The following TRAF3IP2 variants were observed in gnomAD, a reference collection of about 807,000 sequenced individuals.
The protein encoded by TRAF3IP2 is E3 ubiquitin ligase TRAF3IP2.
TRAF3IP2 carries 35 observed loss-of-function variants against 57.9 expected under a neutral mutation model. The observed-to-expected ratio is 0.60, with a 90% CI of 0.46 to 0.80. The LOEUF is 0.80. Ranked by LOEUF, TRAF3IP2 falls within the 30% of genes least tolerant of loss-of-function variation. The pLI, the probability that TRAF3IP2 is intolerant of heterozygous loss-of-function variation, is 0.00. For synonymous variants in TRAF3IP2, 251 were observed against 268.9 expected, an observed-to-expected ratio of 0.93 and a Z score of 0.65; for missense variants, 556 against 706.4, an observed-to-expected ratio of 0.79 and a Z score of 2.41.
chr6:111,559,674 G>T, intron 8 of TRAF3IP2, 123 bp from the exon 9 acceptor site: 1 of 1,166,108 alleles, frequency 8.6e-7, no homozygotes, highest in South Asian at 1.5e-5. Flanking sequence ...AAACTATCCT[G>T]GGAGTTGTGC....
chr6:111,579,876 C>A (rs1465649109), intron 3 of TRAF3IP2, among the ~76,000 whole-genome samples: 2 of 152,148 alleles, frequency 1.3e-5, no homozygotes, highest in Admixed American at 6.5e-5. Flanking sequence ...GTAGTAAAAT[C>A]AAAAATCTAT....
At chr6:111,584,207 A>C (rs775979670) in intron 2 of TRAF3IP2, among the ~76,000 whole-genome samples, 1 of 152,194 alleles carries the variant, frequency 6.6e-6, no homozygotes, top group African/African-American at 2.4e-5. Flanking sequence ...TCTTTGTCTC[A>C]CAGCAACAAA....
At chr6:111,564,389 C>G (rs908014178) in intron 7 of TRAF3IP2, among the ~76,000 whole-genome samples, 2 of 152,222 alleles carry the variant, frequency 1.3e-5, no homozygotes, top group Non-Finnish European at 2.9e-5. Flanking sequence ...TGTTTGACTT[C>G]TAGGACTCCG....
chr6:111,581,770 G>T (rs568589298), intron 2 of TRAF3IP2, among the ~76,000 whole-genome samples: 1 of 152,230 alleles, frequency 6.6e-6, no homozygotes, highest in African/African-American at 2.4e-5. Flanking sequence ...CTGAGTTCAG[G>T]AGTTCGAGAC....
At chr6:111,584,786 A>C (rs573734744) in intron 2 of TRAF3IP2, among the ~76,000 whole-genome samples, 1 of 152,234 alleles carries the variant, frequency 6.6e-6, no homozygotes, top group Non-Finnish European at 1.5e-5. Flanking sequence ...GGTACTATAC[A>C]TGTAAAATAA....
intron 3 of TRAF3IP2, among the ~76,000 whole-genome samples, chr6:111,579,987 C>T (rs372929908): frequency 2.0e-5 from 3 of 152,204 alleles, no homozygotes; most frequent in East Asian, 1.9e-4. Context: ...CGACTAGTCA[C>T]TAGTGGCTTT....
At chr6:111,599,066 ATTTTT>A (rs1017585005) in intron 1 of TRAF3IP2, among the ~76,000 whole-genome samples, 2 of 129,050 alleles carry the variant, frequency 1.5e-5, no homozygotes, top group Admixed American at 1.6e-4. Context: ...CACCTGGTTA[ATTTTT>A]TTTTTTTTTT....
chr6:111,586,065 G>C (rs1796324238), intron 2 of TRAF3IP2, among the ~76,000 whole-genome samples: 1 of 152,250 alleles, frequency 6.6e-6, no homozygotes, highest in Non-Finnish European at 1.5e-5. Flanking sequence ...AAAAAATCGT[G>C]ATATAATGCA....
chr6:111,586,060 A>T (rs1796323743), intron 2 of TRAF3IP2, among the ~76,000 whole-genome samples: 1 of 152,228 alleles, frequency 6.6e-6, no homozygotes, highest in African/African-American at 2.4e-5. Flanking sequence ...GTCAAAAAAA[A>T]TCGTGATATA....
At chr6:111,599,030 G>C (rs1583247859) in intron 1 of TRAF3IP2, among the ~76,000 whole-genome samples, 2 of 147,648 alleles carry the variant, frequency 1.4e-5, no homozygotes, top group East Asian at 4.0e-4. Context: ...CTCCCATATT[G>C]TTGGGACCAC....
chr6:111,592,757 G>GT (rs142119405), intron 1 of TRAF3IP2, among the ~76,000 whole-genome samples: 16,815 of 151,082 alleles, frequency 0.11, 1,216 homozygotes, highest in Middle Eastern at 0.21. Context: ...AAATAAAAGT[G>GT]TTTTTTTTTA....
intron 1 of TRAF3IP2, among the ~76,000 whole-genome samples, chr6:111,599,066 ATTTT>A (rs1017585005): frequency 7.7e-6 from 1 of 129,054 alleles, no homozygotes; most frequent in Admixed American, 8.1e-5. Flanking sequence ...CACCTGGTTA[ATTTT>A]TTTTTTTTTT....
chr6:111,605,514 G>A (rs2128387409), intron 1 of TRAF3IP2, among the ~76,000 whole-genome samples: 1 of 152,358 alleles, frequency 6.6e-6, no homozygotes, highest in Non-Finnish European at 1.5e-5. Flanking sequence ...GTCCCCGTGT[G>A]CGAGCCTCCT....
At chr6:111,579,475 G>A (rs1488341362) in intron 3 of TRAF3IP2, among the ~76,000 whole-genome samples, 1 of 152,186 alleles carries the variant, frequency 6.6e-6, no homozygotes, top group Non-Finnish European at 1.5e-5. Flanking sequence ...GCTCATGCCT[G>A]TAATACCAGC....
At chr6:111,587,162 T>C (rs174376) in intron 2 of TRAF3IP2, 110,412 of 152,094 alleles carry the variant, frequency 0.73, 40,913 homozygotes, top group Admixed American at 0.81. Flanking sequence ...GCCTTCTATA[T>C]GTGCTGTTTC....
At chr6:111,564,581 G>T (rs1015625789) in intron 7 of TRAF3IP2, among the ~76,000 whole-genome samples, 1 of 152,180 alleles carries the variant, frequency 6.6e-6, no homozygotes, top group Non-Finnish European at 1.5e-5. Context: ...AGTTCTTGTT[G>T]TTCCAGGGTT....
intron 6 of TRAF3IP2, chr6:111,567,414 G>A: frequency 7.7e-7 from 1 of 1,304,306 alleles, no homozygotes; most frequent in Non-Finnish European, 9.7e-7. Flanking sequence ...TGTCTGGTTT[G>A]ACCGTTATTT....
chr6:111,562,053 G>A (rs779668083), intron 8 of TRAF3IP2, among the ~76,000 whole-genome samples: 22 of 152,330 alleles, frequency 1.4e-4, no homozygotes, highest in Middle Eastern at 3.4e-3. Flanking sequence ...CCTCCAGGGT[G>A]AAACAGGGCC....
Position 111,559,185 on chromosome 6 carries a change from C to T in TRAF3IP2, c.*220G>A. 2.0e-6 allele frequency: 1 copy of T among 497,108 alleles called. No homozygotes were observed. The highest frequency in any genetic ancestry group is 3.5e-6 in the Non-Finnish European group (1 of 289,744). 30.8% of individuals were successfully genotyped at this position (497,108 alleles called of 1,614,324 possible). On this transcript the variant is annotated 3_prime_UTR_variant, in exon 9 of 9. Transcript: ENST00000368761. ...GCACCTGCAATGGTTTTTTTAAAAG[C>T]AGAGAATGCAGAGCAGTCACAGACT...
Sources: allele counts gnomAD v4.1 joint callset (sites outside exome capture counted in the v4.1 genomes callset), GRCh38; gene constraint gnomAD v4.1.1; transcripts MANE v1.5; gene names NCBI Gene and HGNC (gene_info 2026-07-23, HGNC 2026-07-21).